The following CHRM3 variants were observed in gnomAD, a reference collection of about 807,000 sequenced individuals.
The protein encoded by CHRM3 is muscarinic acetylcholine receptor M3.
In CHRM3, 11 loss-of-function variants were observed where a neutral mutation model predicts 41.8. The observed-to-expected ratio is 0.26, with a 90% CI of 0.17 to 0.44. The LOEUF (loss-of-function observed/expected upper bound fraction) is 0.44. Ranked by LOEUF, CHRM3 falls within the 20% of genes least tolerant of loss-of-function variation. The pLI is 1.00. For missense variants in CHRM3, 571 were observed against 745.4 expected (o/e 0.77, Z 2.72); for synonymous variants, 297 against 301.4 (o/e 0.99, Z 0.15).
At chr1:239,727,005 T>A (rs1018945089) in intron 5 of CHRM3, among the ~76,000 whole-genome samples, 11 of 151,828 alleles carry the variant, frequency 7.2e-5, no homozygotes, top group Admixed American at 3.3e-4. Context: ...CCACTCACTG[T>A]CTCCAAAAAT....
chr1:239,743,237 A>G (rs1665015033), intron 5 of CHRM3, among the ~76,000 whole-genome samples: 2 of 152,194 alleles, frequency 1.3e-5, no homozygotes, highest in East Asian at 1.9e-4. Flanking sequence ...AATGAATGCC[A>G]TTCATCATTA....
intron 5 of CHRM3, among the ~76,000 whole-genome samples, chr1:239,777,484 T>A (rs117187172): frequency 6.6e-6 from 1 of 152,188 alleles, no homozygotes; most frequent in South Asian, 2.1e-4. Context: ...GTGGTACTAA[T>A]TGACTGAATG....
chr1:239,538,614 CCTTA>C (rs771082748), intron 2 of CHRM3, among the ~76,000 whole-genome samples: 1 of 152,114 alleles, frequency 6.6e-6, no homozygotes, highest in Non-Finnish European at 1.5e-5. Flanking sequence ...ATTTAACTGT[CCTTA>C]CTTAAACTTC....
intron 1 of CHRM3, among the ~76,000 whole-genome samples, chr1:239,472,540 G>T (rs1472345104): frequency 1.3e-5 from 2 of 152,160 alleles, no homozygotes; most frequent in Admixed American, 6.5e-5. Context: ...TTAAAGAGCA[G>T]GTAACAACTT....
Position 239,652,848 on chromosome 1 carries a change from TA to T in CHRM3, c.-250+20564del, listed in dbSNP as rs369432408. Among the ~76,000 whole-genome samples the T allele has an allele frequency of 2.0e-3, 312 of 152,306 alleles. 2 individuals carry two copies. The highest frequency in any genetic ancestry group is 7.1e-3 in the African/African-American group (297 of 41,576). ...CGTGAAAACCAAACAAAGTGGTCCA[TA>T]AGACAGTATTATGTTCATTGTTAAG... On this transcript the variant is annotated intron_variant, in intron 4 of 6. Transcript: ENST00000676153.
At chr1:239,662,884 T>TTCCTCCTCCTCC (rs879733766) in intron 4 of CHRM3, among the ~76,000 whole-genome samples, 3 of 119,488 alleles carry the variant, frequency 2.5e-5, no homozygotes, top group African/African-American at 9.9e-5. Flanking sequence ...CTTTCTCCTC[T>TTCCTCCTCCTCC]TCCTCCTCCT....
intron 3 of CHRM3, among the ~76,000 whole-genome samples, chr1:239,584,268 T>A (rs1245296430): frequency 6.6e-6 from 1 of 152,126 alleles, no homozygotes; most frequent in Middle Eastern, 3.4e-3. Flanking sequence ...CATGCCTGGC[T>A]AATTTTTGTA....
At chr1:239,536,599 A>C (rs952735549) in intron 2 of CHRM3, among the ~76,000 whole-genome samples, 1 of 152,208 alleles carries the variant, frequency 6.6e-6, no homozygotes, top group African/African-American at 2.4e-5. Flanking sequence ...GTCACAAATC[A>C]TTTCCCTTTA....
chr1:239,835,436 G>A (rs1188238910), intron 6 of CHRM3, among the ~76,000 whole-genome samples: 1 of 151,888 alleles, frequency 6.6e-6, no homozygotes, highest in Non-Finnish European at 1.5e-5. Context: ...AAATTGGGGA[G>A]GAAAAAGATT....
chr1:239,836,973 T>TAA (rs5782104), intron 6 of CHRM3, among the ~76,000 whole-genome samples: 306 of 135,430 alleles, frequency 2.3e-3, no homozygotes, highest in African/African-American at 6.7e-3. Context: ...GACTCTGTCT[T>TAA]AAAAAAAAAA....
chr1:239,768,914 G>A (rs1483883359), intron 5 of CHRM3, among the ~76,000 whole-genome samples: 4 of 151,936 alleles, frequency 2.6e-5, no homozygotes, highest in East Asian at 3.9e-4. Flanking sequence ...ACAGGCACGC[G>A]CCACCATGCC....
rs1308154936 is a variant in CHRM3, at chr1:239,913,809, G to A, written c.*4585G>A. On this transcript the variant is annotated 3_prime_UTR_variant, in exon 7 of 7. Transcript: ENST00000676153. ...AATGAGCAAGTGTTAGTATTATTAG[G>A]CACACATCACGTTCACAGCTTCGCG... 6.0e-6 allele frequency: 1 copy of A among 167,042 alleles called. No individual in the cohort carries two copies. The highest frequency in any genetic ancestry group is 1.5e-5 in the Non-Finnish European group (1 of 68,116). The allele number at this position is 167,042 out of a possible 1,614,324, so 10.3% of individuals were successfully genotyped here.
chr1:239,811,085 A>G (rs139445946), intron 5 of CHRM3, among the ~76,000 whole-genome samples: 1 of 152,354 alleles, frequency 6.6e-6, no homozygotes, highest in East Asian at 1.9e-4. Context: ...GAATTCGAAC[A>G]GTTTATGAAT....
chr1:239,520,770 C>T (rs1213981677), intron 2 of CHRM3, among the ~76,000 whole-genome samples: 20 of 152,148 alleles, frequency 1.3e-4, no homozygotes, highest in African/African-American at 4.8e-4. Flanking sequence ...AGTAAGCTCC[C>T]TTAGGAAGAT....
chr1:239,758,395 T>C (rs990620093), intron 5 of CHRM3, among the ~76,000 whole-genome samples: 3 of 152,182 alleles, frequency 2.0e-5, no homozygotes, highest in African/African-American at 7.2e-5. Flanking sequence ...AATGTTAGGC[T>C]ACGTGTATCC....
intron 2 of CHRM3, among the ~76,000 whole-genome samples, chr1:239,495,087 T>G (rs1396107229): frequency 6.6e-6 from 1 of 152,170 alleles, no homozygotes; most frequent in African/African-American, 2.4e-5. Context: ...AGTCCCTTCC[T>G]CATATCCCAG....
intron 3 of CHRM3, among the ~76,000 whole-genome samples, chr1:239,617,483 G>A (rs1214085026): frequency 1.3e-5 from 2 of 152,156 alleles, no homozygotes; most frequent in Non-Finnish European, 2.9e-5. Flanking sequence ...CCAACACTTT[G>A]AGAGGCAGAG....
chr1:239,612,258 A>C (rs114804332), intron 3 of CHRM3, among the ~76,000 whole-genome samples: 85 of 152,314 alleles, frequency 5.6e-4, no homozygotes, highest in Non-Finnish European at 1.1e-3. Context: ...ATTTTAATTA[A>C]TATATCACAA....
chr1:239,830,856 CCCCTGAAACAACCATATTTT>C (rs1181373894), intron 6 of CHRM3, among the ~76,000 whole-genome samples: 1 of 152,178 alleles, frequency 6.6e-6, no homozygotes, highest in Non-Finnish European at 1.5e-5. Flanking sequence ...GACTCTCACC[CCCCTGAAACAACCATATTTT>C]TGATTGGTGG....
Sources: gnomAD v4.1 joint callset for allele counts (sites outside exome capture counted in the v4.1 genomes callset) on GRCh38, gnomAD v4.1.1 for gene constraint, MANE v1.5 for transcripts, NCBI Gene and HGNC (gene_info 2026-07-23, HGNC 2026-07-21) for gene names.